The following TM9SF2 variants were observed in gnomAD, a reference collection of about 807,000 sequenced individuals.
TM9SF2 encodes the protein transmembrane 9 superfamily member 2.
A neutral mutation model predicts 84.9 loss-of-function variants in TM9SF2; 13 were observed. The ratio of observed to expected loss-of-function variants is 0.15; its 90% CI spans 0.10 to 0.24. The LOEUF (loss-of-function observed/expected upper bound fraction) is 0.24. Ranked by LOEUF, TM9SF2 falls within the 10% of genes least tolerant of loss-of-function variation. The pLI, the probability that TM9SF2 is intolerant of heterozygous loss-of-function variation, is 1.00. For missense variants in TM9SF2, 562 were observed against 818.5 expected (o/e 0.69, Z 3.82); for synonymous variants, 273 against 285.8 (o/e 0.96, Z 0.45).
intron 12 of TM9SF2, among the ~76,000 whole-genome samples, chr13:99,549,724 G>A (rs1056443944): frequency 6.6e-6 from 1 of 152,092 alleles, no homozygotes; most frequent in Non-Finnish European, 1.5e-5. Context: ...TTCTCCTCTC[G>A]ATTATCTGAT....
intron 3 of TM9SF2, among the ~76,000 whole-genome samples, chr13:99,520,782 C>T (rs1431131799): frequency 6.6e-6 from 1 of 152,168 alleles, no homozygotes; most frequent in Non-Finnish European, 1.5e-5. Context: ...ATTGGTCAGG[C>T]TGGTCTCAAA....
At chr13:99,550,071 T>C (rs1258756980) in intron 12 of TM9SF2, among the ~76,000 whole-genome samples, 1 of 152,240 alleles carries the variant, frequency 6.6e-6, no homozygotes, top group Non-Finnish European at 1.5e-5. Flanking sequence ...TTACCAAGAC[T>C]GTGATTTCCT....
chr13:99,551,432 C>T (rs2046305191), intron 12 of TM9SF2, among the ~76,000 whole-genome samples: 1 of 152,086 alleles, frequency 6.6e-6, no homozygotes, highest in Non-Finnish European at 1.5e-5. Context: ...AGTTGTCAGT[C>T]CTAGGTGGAG....
At position 99,506,572 on chromosome 13, in the gene TM9SF2, C is replaced by G. The variant is rs114456307; in HGVS notation, c.171+4795C>G. Among the ~76,000 whole-genome samples the G allele has an allele frequency of 1.1e-3, 173 of 152,276 alleles. 1 individual carries two copies. Among genetic ancestry groups the G allele is most frequent in the African/African-American group, 3.9e-3 (164 of 41,556 alleles). ...ATTAGATTTTTAAGTAAAATTAAGA[C>G]TGTAATTGTTCATTATAGTGAATCT... On this transcript the variant is annotated intron_variant, in intron 1 of 16. Coordinates refer to ENST00000376387, the MANE Select transcript of TM9SF2 (RefSeq NM_004800.3).
rs7317697 is a variant in TM9SF2 at position 99,538,340 on chromosome 13, C to T, written c.716+477C>T. On this transcript the variant is annotated intron_variant, in intron 6 of 16. Transcript: ENST00000376387. Reference sequence around the variant, plus strand: ...TCAACTTATTATTTTTTATCACGAACGTACATATCAGTTATTTATGAGATT... The same window carrying T: ...TCAACTTATTATTTTTTATCACGAATGTACATATCAGTTATTTATGAGATT... 4.3e-3 allele frequency among the ~76,000 whole-genome samples: 647 copies of T among 152,120 alleles called. 6 individuals carry two copies. The highest frequency in any genetic ancestry group is 0.014 in the African/African-American group (570 of 41,466).
intron 3 of TM9SF2, among the ~76,000 whole-genome samples, chr13:99,527,143 T>G (rs9517758): frequency 6.6e-6 from 1 of 152,004 alleles, no homozygotes; most frequent in African/African-American, 2.4e-5. Flanking sequence ...TTGGGATTCA[T>G]ATGTGGGAAT....
chr13:99,541,839 G>T (rs983711780), intron 9 of TM9SF2, 172 bp downstream of exon 9: 1 of 475,932 alleles, frequency 2.1e-6, no homozygotes, highest in Non-Finnish European at 3.7e-6. Context: ...TTTCAAATAA[G>T]AAAGTGATAC....
At chr13:99,507,157 C>T (rs1459606512) in intron 1 of TM9SF2, among the ~76,000 whole-genome samples, 1 of 152,192 alleles carries the variant, frequency 6.6e-6, no homozygotes, top group Non-Finnish European at 1.5e-5. Flanking sequence ...GATTTAGTAG[C>T]TGTCTCAAGT....
In TM9SF2 at chr13:99,562,860, A is replaced by G. The variant is rs1364853183; in HGVS notation, c.*102A>G. 2 of 1,123,648 alleles carry G rather than the reference A, an allele frequency of 1.8e-6. No homozygotes were observed. The highest frequency in any genetic ancestry group is 2.4e-5 in the East Asian group (1 of 42,062). 69.6% of individuals were successfully genotyped at this position (1,123,648 alleles called of 1,614,324 possible). ...TGAGTTTTATCAGAATTATTGGCCT[A>G]GTAATCCTTCAGAAACACCGTAATT... On this transcript the variant is annotated 3_prime_UTR_variant, in exon 17 of 17. Transcript: ENST00000376387.
intron 1 of TM9SF2, among the ~76,000 whole-genome samples, chr13:99,502,617 G>A (rs1232786443): frequency 6.6e-6 from 1 of 152,192 alleles, no homozygotes; most frequent in Non-Finnish European, 1.5e-5. Context: ...GCTAGTAAAA[G>A]AGGCGTAAAT....
chr13:99,559,640 C>A, intron 16 of TM9SF2, 106 bp downstream of exon 16: 1 of 1,089,880 alleles, frequency 9.2e-7, no homozygotes, highest in Non-Finnish European at 1.3e-6. Flanking sequence ...TCTGTTAGTG[C>A]TCCCATATTT....
At chr13:99,504,532 T>G (rs920247023) in intron 1 of TM9SF2, among the ~76,000 whole-genome samples, 3 of 152,196 alleles carry the variant, frequency 2.0e-5, no homozygotes, top group African/African-American at 7.2e-5. Flanking sequence ...TAGTAGAGTG[T>G]TTTTATGTAC....
chr13:99,543,427 A>G (rs1008755643), intron 9 of TM9SF2, among the ~76,000 whole-genome samples: 3 of 152,198 alleles, frequency 2.0e-5, no homozygotes, highest in African/African-American at 4.8e-5. Flanking sequence ...TGCTCAATGA[A>G]TGTTTACATC....
At chr13:99,524,691 C>T (rs189237145) in intron 3 of TM9SF2, among the ~76,000 whole-genome samples, 12 of 151,848 alleles carry the variant, frequency 7.9e-5, no homozygotes, top group Admixed American at 7.9e-4. Context: ...CTCTCCCCAT[C>T]CTCCTGACCT....
At chr13:99,561,109 A>C (rs1012960231) in intron 16 of TM9SF2, among the ~76,000 whole-genome samples, 2 of 152,214 alleles carry the variant, frequency 1.3e-5, no homozygotes, top group Admixed American at 6.5e-5. Flanking sequence ...ACTTTCTTCA[A>C]TTGTATTTTT....
chr13:99,527,666 A>G (rs9585115), intron 3 of TM9SF2, among the ~76,000 whole-genome samples: 3,777 of 152,318 alleles, frequency 0.025, 159 homozygotes, highest in African/African-American at 0.086. Flanking sequence ...GTCTTGCCAG[A>G]AGTGTGCAGC....
At chr13:99,529,665 A>C (rs2046199621) in intron 4 of TM9SF2, 71 bp downstream of exon 4, 1 of 1,373,144 alleles carries the variant, frequency 7.3e-7, no homozygotes, top group Non-Finnish European at 9.5e-7. Context: ...TTGACTATAT[A>C]AATTACTTGA....
chr13:99,540,881 A>G, intron 8 of TM9SF2, 88 bp downstream of exon 8: 6 of 1,204,194 alleles, frequency 5.0e-6, no homozygotes, highest in Non-Finnish European at 7.1e-6. Flanking sequence ...AATCCTCTCT[A>G]CTTTATTCAA....
intron 16 of TM9SF2, among the ~76,000 whole-genome samples, chr13:99,561,352 TAACTA>T (rs1234305141): frequency 6.6e-6 from 1 of 152,248 alleles, no homozygotes; most frequent in Non-Finnish European, 1.5e-5. Flanking sequence ...CAAAATTAAG[TAACTA>T]AACTTAAGTT....
Sources: gnomAD v4.1 joint callset for allele counts (sites outside exome capture counted in the v4.1 genomes callset) on GRCh38, gnomAD v4.1.1 for gene constraint, MANE v1.5 for transcripts, NCBI Gene and HGNC (gene_info 2026-07-23, HGNC 2026-07-21) for gene names.